THSD7B: variants seen among roughly 807,000 people sequenced by gnomAD.
THSD7B encodes thrombospondin type-1 domain-containing protein 7B.
Under a neutral mutation model 213.6 loss-of-function variants are expected in THSD7B, and 138 were observed. The observed-to-expected ratio is 0.65, with a 90% CI of 0.56 to 0.74. THSD7B has a LOEUF of 0.74. THSD7B is among the 30% of genes least tolerant of loss of function. THSD7B has a pLI of 0.00. For synonymous variants in THSD7B, 742 were observed against 687.0 expected (o/e 1.08, Z -1.25); for missense variants, 1,931 against 1,991.5 (o/e 0.97, Z 0.58).
At chr2:136,953,845 C>T (rs544867278) in intron 2 of THSD7B, among the ~76,000 whole-genome samples, 5 of 152,242 alleles carry the variant, frequency 3.3e-5, no homozygotes, top group East Asian at 1.9e-4. Flanking sequence ...TCTTTCCTGT[C>T]GAGGTACTTA....
At chr2:137,179,924 C>T (rs1344201996) in intron 7 of THSD7B, among the ~76,000 whole-genome samples, 1 of 152,144 alleles carries the variant, frequency 6.6e-6, no homozygotes. Flanking sequence ...TCTTCACTCT[C>T]ACTCCAACTA....
chr2:136,791,283 T>C (rs140400812), intron 1 of THSD7B, among the ~76,000 whole-genome samples: 187 of 152,140 alleles, frequency 1.2e-3, no homozygotes, highest in African/African-American at 4.3e-3. Context: ...CAAGGAATAG[T>C]TATGCAACCA....
intron 1 of THSD7B, among the ~76,000 whole-genome samples, chr2:136,781,446 AAT>A (rs1187024840): frequency 2.9e-5 from 4 of 135,806 alleles, no homozygotes; most frequent in Non-Finnish European, 6.6e-5. Flanking sequence ...TTTTTTTTTA[AAT>A]TTTTTTAGAG....
intron 4 of THSD7B, among the ~76,000 whole-genome samples, chr2:137,111,931 G>A (rs1688353749): frequency 6.6e-6 from 1 of 152,146 alleles, no homozygotes; most frequent in South Asian, 2.1e-4. Flanking sequence ...GGCCAAATGA[G>A]GCTGCTTTGA....
intron 2 of THSD7B, among the ~76,000 whole-genome samples, chr2:136,987,007 C>G (rs974074848): frequency 1.3e-5 from 2 of 152,196 alleles, no homozygotes; most frequent in African/African-American, 4.8e-5. Context: ...ATTTAGCCAC[C>G]TGAAATTGGA....
rs186917978 is a variant in THSD7B at position 137,049,318 on chromosome 2, A to T, written c.140-7102A>T. Among the ~76,000 whole-genome samples, 7 of 149,944 alleles carry T rather than the reference A, an allele frequency of 4.7e-5. No homozygotes were observed. In the East Asian group the frequency reaches 1.4e-3, roughly 31 times the overall value. On this transcript the variant is annotated intron_variant, in intron 2 of 27. Coordinates refer to ENST00000409968, the MANE Select transcript of THSD7B (RefSeq NM_001316349.2). ...TTTACCCAATGGCTTTGCAAGCCCC[A>T]TTTGCTCAAGGGATATCATTGCTAC...
intron 1 of THSD7B, among the ~76,000 whole-genome samples, chr2:136,793,442 C>A (rs1682002220): frequency 2.0e-5 from 3 of 152,022 alleles, no homozygotes; most frequent in Non-Finnish European, 4.4e-5. Flanking sequence ...AGTCCTTTAT[C>A]ATATACGTAG....
At chr2:137,496,207 C>G (rs1167300723) in intron 15 of THSD7B, among the ~76,000 whole-genome samples, 1 of 152,148 alleles carries the variant, frequency 6.6e-6, no homozygotes, top group African/African-American at 2.4e-5. Context: ...AGTTAATGAG[C>G]CCTCTCATTT....
chr2:137,652,589 T>A (rs1683161684), intron 21 of THSD7B, among the ~76,000 whole-genome samples: 1 of 152,080 alleles, frequency 6.6e-6, no homozygotes, highest in African/African-American at 2.4e-5. Flanking sequence ...CTACTGCCAT[T>A]TTGTTGCTTG....
At chr2:137,105,005 CT>C (rs1380442314) in intron 4 of THSD7B, among the ~76,000 whole-genome samples, 1 of 152,202 alleles carries the variant, frequency 6.6e-6, no homozygotes. Flanking sequence ...ACCATTCCTT[CT>C]GAAACTATTC....
intron 14 of THSD7B, among the ~76,000 whole-genome samples, chr2:137,416,279 C>T (rs1437047111): frequency 2.6e-5 from 4 of 152,132 alleles, no homozygotes; most frequent in African/African-American, 9.7e-5. Context: ...TGCAGTCTTT[C>T]CTGGTCTCTT....
intron 12 of THSD7B, among the ~76,000 whole-genome samples, chr2:137,290,336 G>C (rs1028225781): frequency 6.6e-6 from 1 of 151,958 alleles, no homozygotes; most frequent in Admixed American, 6.5e-5. Context: ...TGATCTGTCC[G>C]CCTGGGCCTC....
intron 12 of THSD7B, among the ~76,000 whole-genome samples, chr2:137,312,138 G>A (rs1399589455): frequency 1.3e-5 from 2 of 151,872 alleles, no homozygotes; most frequent in Admixed American, 1.3e-4. Flanking sequence ...TCTGGTCCTG[G>A]ACTCTTTTTT....
At chr2:137,032,652 A>G (rs1686696781) in intron 2 of THSD7B, among the ~76,000 whole-genome samples, 1 of 152,168 alleles carries the variant, frequency 6.6e-6, no homozygotes, top group African/African-American at 2.4e-5. Context: ...TTGGCTTCAA[A>G]TCCTGATAAT....
chr2:137,397,384 T>A (rs1407790431), intron 12 of THSD7B, among the ~76,000 whole-genome samples: 1 of 152,168 alleles, frequency 6.6e-6, no homozygotes, highest in African/African-American at 2.4e-5. Flanking sequence ...TCTCAGCATT[T>A]GCTTGTCTGT....
At position 137,174,819 on chromosome 2, in the gene THSD7B, G is replaced by A. The variant is rs144907770; in HGVS notation, c.1723+3881G>A. Among the ~76,000 whole-genome samples the A allele has an allele frequency of 1.9e-3, 293 of 152,232 alleles. 1 individual carries two copies. Among genetic ancestry groups the A allele is most frequent in the Non-Finnish European group, 3.2e-3 (218 of 68,016 alleles). ...AAATGTCAATAGACATTTACGGAGC[G>A]TTGAATATGCATAGGTTATTCTTGT... On this transcript the variant is annotated intron_variant, in intron 7 of 27. Coordinates refer to ENST00000409968, the MANE Select transcript of THSD7B (RefSeq NM_001316349.2).
intron 1 of THSD7B, among the ~76,000 whole-genome samples, chr2:136,819,972 C>T (rs1682542668): frequency 6.6e-6 from 1 of 152,052 alleles, no homozygotes; most frequent in African/African-American, 2.4e-5. Flanking sequence ...CTATTCTGGT[C>T]CTCACCCCTT....
intron 7 of THSD7B, among the ~76,000 whole-genome samples, chr2:137,222,559 A>C (rs1681394487): frequency 6.6e-6 from 1 of 152,216 alleles, no homozygotes; most frequent in Non-Finnish European, 1.5e-5. Flanking sequence ...GAGATGTTGC[A>C]GTCTGCTTTT....
intron 20 of THSD7B, among the ~76,000 whole-genome samples, chr2:137,638,768 A>T (rs1682881955): frequency 6.6e-6 from 1 of 152,174 alleles, no homozygotes; most frequent in South Asian, 2.1e-4. Flanking sequence ...GAACTGGAGG[A>T]AAGGTGACTC....
Sources: gnomAD v4.1 joint callset for allele counts (sites outside exome capture counted in the v4.1 genomes callset) on GRCh38, gnomAD v4.1.1 for gene constraint, MANE v1.5 for transcripts, NCBI Gene and HGNC (gene_info 2026-07-23, HGNC 2026-07-21) for gene names.